Variants in GPT2 observed in about 807,000 individuals in gnomAD.
GPT2 encodes glutamic--pyruvic transaminase 2.
Under a neutral mutation model 56.9 loss-of-function variants are expected in GPT2, and 30 were observed. The observed-to-expected ratio is 0.53, with a 90% CI of 0.39 to 0.72. GPT2 has a LOEUF of 0.72. GPT2 is among the 30% of genes least tolerant of loss of function. The probability of loss-of-function intolerance (pLI) is 0.00; values close to 1 mark genes in which losing one functional copy is unlikely to be tolerated. For synonymous variants in GPT2, 271 were observed against 283.1 expected (o/e 0.96, Z 0.43); for missense variants, 542 against 703.4 (o/e 0.77, Z 2.60).
intron 3 of GPT2, among the ~76,000 whole-genome samples, chr16:46,898,980 A>ATGTG (rs1355571239): frequency 5.7e-4 from 4 of 7,014 alleles, no homozygotes; most frequent in East Asian, 0.5. Flanking sequence ...ACACACATAT[A>ATGTG]TATATATATA....
rs1285085809 is a variant in GPT2 at position 46,909,816 on chromosome 16, G to A, written c.709G>A (p.Glu237Lys). Residue 237 changes from glutamate (E) to lysine (K), a missense_variant, in exon 6 of 12, where the codon GAG becomes AAG. Coordinates refer to ENST00000340124, the MANE Select transcript of GPT2 (RefSeq NM_133443.4). ...CATCCAGGTGAATTACTACCTGGAC[G>A]AGGAGAACTGCTGGGCGCTGAATGT... ...DAIQVNYYLD[E>K]ENCWALNVNE... 3 of 1,614,068 alleles carry A rather than the reference G, an allele frequency of 1.9e-6. No homozygotes were observed. The highest frequency in any genetic ancestry group is 2.5e-6 in the Non-Finnish European group (3 of 1,180,034).
chr16:46,891,336 G>A (rs746150421), intron 2 of GPT2, among the ~76,000 whole-genome samples: 38 of 151,956 alleles, frequency 2.5e-4, no homozygotes, highest in African/African-American at 8.7e-4. Flanking sequence ...TCCGTCTCCC[G>A]GGTTCAGGTG....
chr16:46,888,727 G>A (rs1426288237), intron 2 of GPT2, among the ~76,000 whole-genome samples: 4 of 152,100 alleles, frequency 2.6e-5, no homozygotes, highest in African/African-American at 9.7e-5. Context: ...ATGACTCACT[G>A]CAGCCTTGAA....
At chr16:46,895,340 CATG>C (rs1245932198) in intron 2 of GPT2, among the ~76,000 whole-genome samples, 1 of 151,974 alleles carries the variant, frequency 6.6e-6, no homozygotes, top group Admixed American at 6.6e-5. Flanking sequence ...GCTTGGGAAA[CATG>C]ATGAAATCCC....
At chr16:46,887,544 C>G (rs1960507800) in intron 2 of GPT2, among the ~76,000 whole-genome samples, 2 of 152,122 alleles carry the variant, frequency 1.3e-5, no homozygotes, top group African/African-American at 4.8e-5. Flanking sequence ...GGGGTGAATC[C>G]TGGGCCTCAG....
At chr16:46,890,483 T>C (rs1324885341) in intron 2 of GPT2, among the ~76,000 whole-genome samples, 7 of 152,164 alleles carry the variant, frequency 4.6e-5, no homozygotes, top group African/African-American at 1.7e-4. Flanking sequence ...TGGCTGTCAC[T>C]GGGGCATGGG....
intron 4 of GPT2, among the ~76,000 whole-genome samples, chr16:46,906,139 T>C (rs927444147): frequency 6.6e-6 from 1 of 152,100 alleles, no homozygotes; most frequent in African/African-American, 2.4e-5. Flanking sequence ...AGTGGTGTCA[T>C]CATAGCTCAC....
At chr16:46,920,219 C>T (rs1261641992) in intron 8 of GPT2, among the ~76,000 whole-genome samples, 1 of 152,156 alleles carries the variant, frequency 6.6e-6, no homozygotes, top group Non-Finnish European at 1.5e-5. Context: ...TTGCAGTCAA[C>T]AGATGAGGAA....
chr16:46,916,395 C>T, intron 6 of GPT2: 1 of 471,496 alleles, frequency 2.1e-6, no homozygotes, highest in South Asian at 3.9e-5. Context: ...AACCCCTTCT[C>T]CCTCGCATAA....
chr16:46,903,967 G>A (rs1362712530), intron 4 of GPT2, among the ~76,000 whole-genome samples: 1 of 152,222 alleles, frequency 6.6e-6, no homozygotes, highest in African/African-American at 2.4e-5. Context: ...CACGCTCATG[G>A]GGAGGATGAG....
At chr16:46,885,137 C>G (rs1960459212) in intron 2 of GPT2, 179 bp downstream of exon 2, 1 of 1,340,080 alleles carries the variant, frequency 7.5e-7, no homozygotes, top group Admixed American at 3.5e-5. Context: ...TGCCCAGCAC[C>G]GGGCACTCAG....
At chr16:46,912,059 G>C (rs1961056554) in intron 6 of GPT2, among the ~76,000 whole-genome samples, 5 of 152,330 alleles carry the variant, frequency 3.3e-5, no homozygotes, top group Admixed American at 3.3e-4. Context: ...AGTCAGCTGT[G>C]AGAAGAGGGT....
chr16:46,906,723 C>T (rs879112444), intron 4 of GPT2, 119 bp from the exon 5 acceptor site: 1 of 1,346,154 alleles, frequency 7.4e-7, no homozygotes, highest in Non-Finnish European at 1.0e-6. Context: ...GGGAGTTGGG[C>T]CCCACCCCGA....
chr16:46,921,158 G>A (rs190797573), intron 8 of GPT2, among the ~76,000 whole-genome samples: 87 of 152,246 alleles, frequency 5.7e-4, no homozygotes, highest in Non-Finnish European at 9.7e-4. Context: ...CCAAAAGCAT[G>A]GTTTTTTTGA....
intron 5 of GPT2, 102 bp downstream of exon 5, chr16:46,907,077 C>G: frequency 6.6e-7 from 1 of 1,524,850 alleles, no homozygotes; most frequent in Non-Finnish European, 9.0e-7. Context: ...GGGAGGGTGG[C>G]AGCACGGGTG....
chr16:46,889,129 C>T (rs1489908913), intron 2 of GPT2, among the ~76,000 whole-genome samples: 1 of 151,616 alleles, frequency 6.6e-6, no homozygotes, highest in African/African-American at 2.4e-5. Context: ...TGGGCTCAAG[C>T]GATCCTTACA....
intron 8 of GPT2, among the ~76,000 whole-genome samples, chr16:46,919,160 A>T (rs1303906750): frequency 6.6e-6 from 1 of 152,222 alleles, no homozygotes; most frequent in Non-Finnish European, 1.5e-5. Context: ...GTGACCTCAG[A>T]GGCTAAAGGG....
In GPT2 at chr16:46,897,692, G is replaced by T. The variant is rs1259892565; in HGVS notation, c.288G>T (p.Gly96=). Reference sequence around the variant, plus strand: ...CAGAGGTCATCCGAGCCAACATCGGGGACGCCCAGGCTATGGGGCAGCAGC... The same window carrying T: ...CAGAGGTCATCCGAGCCAACATCGGTGACGCCCAGGCTATGGGGCAGCAGC... The part of the protein sequence containing the change: ...PFTEVIRANI[G]DAQAMGQQPI... Residue 96 remains glycine (G), a synonymous_variant, in exon 3 of 12, where the codon GGG becomes GGT. Coordinates refer to ENST00000340124, the MANE Select transcript of GPT2 (RefSeq NM_133443.4). 13 of 1,614,134 alleles carry T rather than the reference G, an allele frequency of 8.1e-6. No homozygotes were observed. Among genetic ancestry groups the T allele is most frequent in the Non-Finnish European group, 1.1e-5 (13 of 1,179,982 alleles).
intron 6 of GPT2, among the ~76,000 whole-genome samples, chr16:46,910,380 C>CA (rs4039999): frequency 0.95 from 43,958 of 46,460 alleles, 21,250 homozygotes; most frequent in Middle Eastern, 0.98. Context: ...GACTCTGTCT[C>CA]AAAAAAAAAA....
Sources: gnomAD v4.1 joint callset for allele counts (sites outside exome capture counted in the v4.1 genomes callset) on GRCh38, gnomAD v4.1.1 for gene constraint, MANE v1.5 for transcripts, NCBI Gene and HGNC (gene_info 2026-07-23, HGNC 2026-07-21) for gene names.